ACSM1: variants seen among roughly 807,000 people sequenced by gnomAD.
The protein encoded by ACSM1 is acyl-coenzyme A synthetase ACSM1, mitochondrial.
Under a neutral mutation model 75.8 loss-of-function variants are expected in ACSM1, and 79 were observed. The observed-to-expected ratio is 1.04, with a 90% CI of 0.87 to 1.26. The LOEUF is 1.26. Among genes scored for constraint, ACSM1 ranks in the 50% most tolerant of loss-of-function variants. The probability of loss-of-function intolerance (pLI) is 0.00; values close to 1 mark genes in which losing one functional copy is unlikely to be tolerated. For missense variants in ACSM1, 676 were observed against 720.1 expected, an observed-to-expected ratio of 0.94 and a Z score of 0.70; for synonymous variants, 279 against 265.8, an observed-to-expected ratio of 1.05 and a Z score of -0.48.
rs1264048744 is a variant in ACSM1 at position 20,637,466 on chromosome 16, A to G, written c.1117-15T>C. 6.2e-7 allele frequency: 1 copy of G among 1,612,298 alleles called. No individual in the cohort carries two copies. The highest frequency in any genetic ancestry group is 2.2e-5 in the East Asian group (1 of 44,870). On this transcript the variant is annotated splice_polypyrimidine_tract_variant and intron_variant, in intron 8 of 13. Transcript: ENST00000520010. ...CAAATTAGTCCCTGTTCACAAAAGA[A>G]AGAAGATTTGGGTTGATCAGAGAGG...
Position 20,623,267 on chromosome 16 carries a change from T to C in ACSM1, c.*219A>G, listed in dbSNP as rs564321501. On this transcript the variant is annotated 3_prime_UTR_variant, in exon 14 of 14. Coordinates refer to ENST00000520010, the MANE Select transcript of ACSM1 (RefSeq NM_001318890.3). The stretch of plus-strand genomic sequence containing the variant: ...TATCAGTATTTTATTACTTGCGTTA[T>C]GAGTGCTCACCTGGGAAATTCTAAA... 22 of 528,562 alleles carry C rather than the reference T, an allele frequency of 4.2e-5. No individual in the cohort carries two copies. The highest frequency in any genetic ancestry group is 4.0e-4 in the African/African-American group (21 of 52,194). The allele number at this position is 528,562 out of a possible 1,614,324, so 32.7% of individuals were successfully genotyped here. A position where few individuals can be genotyped will look rare whatever the true frequency, so the allele number is the denominator to read the frequency against.
chr16:20,679,423 G>A (rs1488933288), intron 4 of ACSM1: 2 of 152,186 alleles, frequency 1.3e-5, no homozygotes, highest in African/African-American at 2.4e-5. Context: ...ACACACAGCC[G>A]AAGCTAAGAG....
intron 5 of ACSM1, among the ~76,000 whole-genome samples, chr16:20,671,135 C>T (rs993459770): frequency 1.3e-5 from 2 of 151,940 alleles, no homozygotes; most frequent in African/African-American, 2.4e-5. Flanking sequence ...AGAGGTGAGG[C>T]TCTGTCATCT....
At chr16:20,633,042 A>C (rs2017442648) in intron 10 of ACSM1, among the ~76,000 whole-genome samples, 1 of 152,174 alleles carries the variant, frequency 6.6e-6, no homozygotes, top group African/African-American at 2.4e-5. Context: ...ACATATAAAA[A>C]ACCAACAGCT....
intron 5 of ACSM1, 39 bp downstream of exon 5, chr16:20,671,492 A>G (rs757611630): frequency 1.0e-4 from 164 of 1,565,218 alleles, no homozygotes; most frequent in Admixed American, 5.1e-4. Context: ...CTTTGCCCAC[A>G]TCTGGGTCCA....
chr16:20,675,688 C>T (rs749180207), intron 4 of ACSM1, among the ~76,000 whole-genome samples: 3 of 152,172 alleles, frequency 2.0e-5, no homozygotes, highest in Non-Finnish European at 4.4e-5. Context: ...GGATGGCTGA[C>T]CAATGGCACT....
At position 20,675,478 on chromosome 16, in the gene ACSM1, G is replaced by A. The variant is rs552755227; in HGVS notation, c.612-3807C>T. Reference sequence around the variant, plus strand: ...TGGCTAAGCAGCGTCTGAAACTCCTGTAATAGGACCCAGTCTGGTGGACCT... The same window carrying A: ...TGGCTAAGCAGCGTCTGAAACTCCTATAATAGGACCCAGTCTGGTGGACCT... On this transcript the variant is annotated intron_variant, in intron 4 of 13. Transcript: ENST00000520010. Among the ~76,000 whole-genome samples, 3 of 152,290 alleles carry A rather than the reference G, an allele frequency of 2.0e-5. No individual in the cohort carries two copies. The South Asian group carries it at 6.2e-4, about 32-fold the overall frequency.
At chr16:20,672,495 T>TAAATATATATATATATATATATATATAA (rs2019997567) in intron 4 of ACSM1, among the ~76,000 whole-genome samples, 1 of 93,304 alleles carries the variant, frequency 1.1e-5, no homozygotes, top group African/African-American at 4.4e-5. Flanking sequence ...TATATATATA[T>TAAATATATATATATATATATATATATAA]AAAAAACATA....
At chr16:20,624,806 T>C (rs562189730) in intron 12 of ACSM1, among the ~76,000 whole-genome samples, 63 of 152,222 alleles carry the variant, frequency 4.1e-4, no homozygotes, top group African/African-American at 1.5e-3. Flanking sequence ...GCGATTCTCC[T>C]GCCTCAGCCT....
At chr16:20,693,228 A>G (rs72778634) in intron 1 of ACSM1, among the ~76,000 whole-genome samples, 1 of 152,208 alleles carries the variant, frequency 6.6e-6, no homozygotes, top group Non-Finnish European at 1.5e-5. Flanking sequence ...TGCACTTTCC[A>G]ATGGACTGGG....
rs1485861881 is a variant in ACSM1, at chr16:20,674,413, T to C, written c.612-2742A>G. 3 of 199,644 alleles carry C rather than the reference T, an allele frequency of 1.5e-5. No individual in the cohort carries two copies. The Admixed American group carries it at 1.7e-4, about 12-fold the overall frequency. 12.4% of individuals were successfully genotyped at this position (199,644 alleles called of 1,614,324 possible). ...AATAACTGTCTTTGTTTCTCACTTC[T>C]GTAATATGCTTCCCCCTGAACAGAT... is the stretch of plus-strand genomic sequence containing the variant. On this transcript the variant is annotated intron_variant, in intron 4 of 13. Transcript: ENST00000520010.
chr16:20,694,671 T>C (rs1356499377), intron 1 of ACSM1, among the ~76,000 whole-genome samples: 1 of 152,184 alleles, frequency 6.6e-6, no homozygotes, highest in African/African-American at 2.4e-5. Context: ...GGGAGAGATA[T>C]AGTGAGGGAA....
At chr16:20,689,430 CA>C (rs1329348331) in intron 2 of ACSM1, among the ~76,000 whole-genome samples, 1 of 151,634 alleles carries the variant, frequency 6.6e-6, no homozygotes, top group Non-Finnish European at 1.5e-5. Context: ...AAACAATTAC[CA>C]AAATGGCAAT....
In ACSM1 at chr16:20,682,353, C is replaced by G; in HGVS notation, c.514G>C (p.Val172Leu). ...GGGCACTGAGAAGCTATGGAGTCCACCTCTGAGGCAAGGGCATCTATGGTC... is the reference window on the plus strand; with the variant it reads ...GGGCACTGAGAAGCTATGGAGTCCAGCTCTGAGGCAAGGGCATCTATGGTC... Reference protein sequence around the residue: ...IVTIDALASEVDSIASQCPSL... With the variant: ...IVTIDALASELDSIASQCPSL... Residue 172 changes from valine to leucine, a missense_variant, in exon 4 of 14, where the codon GTG becomes CTG. Physicochemically the swap from Val to Leu is conservative, Grantham distance 32 (BLOSUM62 1). Transcript: ENST00000520010. 6.2e-7 allele frequency: 1 copy of G among 1,614,058 alleles called. No individual in the cohort carries two copies. The highest frequency in any genetic ancestry group is 1.7e-5 in the Admixed American group (1 of 60,022).
At chr16:20,641,064 G>A (rs1340759000) in intron 7 of ACSM1, among the ~76,000 whole-genome samples, 1 of 152,198 alleles carries the variant, frequency 6.6e-6, no homozygotes, top group Non-Finnish European at 1.5e-5. Context: ...GTTAGGGATT[G>A]GAAGTGAATT....
chr16:20,669,989 A>T lies in ACSM1; in HGVS notation c.753-3T>A. On this transcript the variant is annotated splice_region_variant and splice_polypyrimidine_tract_variant and intron_variant, in intron 5 of 13. Transcript: ENST00000520010. ...TCTTCAGGCTCCGTAATTTCCTACT[A>T]ACTCCAAAATGCAGTGGCCTCAGCT... The T allele has an allele frequency of 6.2e-7, 1 of 1,613,460 alleles. No homozygotes were observed. The highest frequency in any genetic ancestry group is 1.3e-5 in the African/African-American group (1 of 74,968).
intron 6 of ACSM1, among the ~76,000 whole-genome samples, chr16:20,664,399 G>A (rs1263612595): frequency 6.6e-6 from 1 of 152,052 alleles, no homozygotes; most frequent in Non-Finnish European, 1.5e-5. Context: ...CAATGATTAG[G>A]AAGGACAAAG....
At position 20,669,817 on chromosome 16, in the gene ACSM1, G is replaced by A. The variant is rs1447213700; in HGVS notation, c.912+10C>T. The A allele has an allele frequency of 1.9e-6, 3 of 1,611,814 alleles. No homozygotes were observed. Among genetic ancestry groups the A allele is most frequent in the South Asian group, 2.2e-5 (2 of 90,582 alleles). ...GAATTTTGCTGATAGGGGAAGGTGA[G>A]TCTTCTTACCTGTATGATGACCTTG... On this transcript the variant is annotated intron_variant, in intron 6 of 13. Coordinates refer to ENST00000520010, the MANE Select transcript of ACSM1 (RefSeq NM_001318890.3).
intron 7 of ACSM1, among the ~76,000 whole-genome samples, chr16:20,644,325 A>G (rs917336914): frequency 1.3e-5 from 2 of 152,264 alleles, no homozygotes; most frequent in Non-Finnish European, 2.9e-5. Context: ...GGAAGAGAAA[A>G]GCAAAAGCGT....
Sources: allele counts gnomAD v4.1 joint callset (sites outside exome capture counted in the v4.1 genomes callset), GRCh38; gene constraint gnomAD v4.1.1; transcripts MANE v1.5; gene names NCBI Gene and HGNC (gene_info 2026-07-23, HGNC 2026-07-21).